SLCO3A1: variants seen among roughly 807,000 people sequenced by gnomAD.
SLCO3A1 encodes PGE1 transporter.
In SLCO3A1, 27 loss-of-function variants were observed where a neutral mutation model predicts 63.1. The observed-to-expected ratio is 0.43, with a 90% CI of 0.32 to 0.59. SLCO3A1 has a LOEUF of 0.59. Among genes scored for constraint, SLCO3A1 ranks in the 20% least tolerant of loss-of-function variants. SLCO3A1 has a pLI of 0.09. For missense variants in SLCO3A1, 773 were observed against 945.8 expected (o/e 0.82, Z 2.40); for synonymous variants, 473 against 409.9 (o/e 1.15, Z -1.86).
chr15:91,880,696 C>T (rs1158177613), intron 1 of SLCO3A1, among the ~76,000 whole-genome samples: 1 of 151,774 alleles, frequency 6.6e-6, no homozygotes, highest in African/African-American at 2.4e-5. Context: ...ATCAATAATT[C>T]ATTTCTTTTT....
chr15:92,060,796 G>A (rs1276225903), intron 2 of SLCO3A1, among the ~76,000 whole-genome samples: 28 of 152,048 alleles, frequency 1.8e-4, no homozygotes, highest in African/African-American at 4.8e-5. Flanking sequence ...CACTGTGCCC[G>A]GCCGGTACTT....
At chr15:91,930,548 A>T (rs1322989977) in intron 2 of SLCO3A1, among the ~76,000 whole-genome samples, 2 of 152,228 alleles carry the variant, frequency 1.3e-5, no homozygotes, top group East Asian at 3.8e-4. Flanking sequence ...AGACACTTAA[A>T]ATAACCTGAC....
chr15:91,878,831 G>A (rs1897471904), intron 1 of SLCO3A1, among the ~76,000 whole-genome samples: 2 of 152,152 alleles, frequency 1.3e-5, no homozygotes, highest in South Asian at 4.1e-4. Flanking sequence ...AGAGAGAAAT[G>A]TTGCATTTCT....
intron 7 of SLCO3A1, among the ~76,000 whole-genome samples, chr15:92,140,801 C>T (rs1042235766): frequency 6.6e-6 from 1 of 152,134 alleles, no homozygotes; most frequent in African/African-American, 2.4e-5. Flanking sequence ...AAGATTGCAA[C>T]CTCTGCCTTT....
At chr15:92,132,849 G>A (rs1003538547) in intron 7 of SLCO3A1, among the ~76,000 whole-genome samples, 2 of 145,380 alleles carry the variant, frequency 1.4e-5, no homozygotes, top group East Asian at 3.9e-4. Flanking sequence ...CAGTGTGACG[G>A]GTCTCAATAC....
chr15:92,140,959 T>C (rs1419256022), intron 7 of SLCO3A1, among the ~76,000 whole-genome samples: 1 of 152,208 alleles, frequency 6.6e-6, no homozygotes, highest in Admixed American at 6.5e-5. Context: ...GTGACTCATA[T>C]TGTATATATG....
chr15:91,919,429 C>T (rs993195147), intron 2 of SLCO3A1, among the ~76,000 whole-genome samples: 4 of 152,240 alleles, frequency 2.6e-5, no homozygotes, highest in African/African-American at 9.6e-5. Flanking sequence ...GCTCTGCTGG[C>T]AGGCTTTCAC....
chr15:92,165,415 C>T lies in SLCO3A1; in HGVS notation c.*2280C>T, dbSNP rs2151607321. On this transcript the variant is annotated 3_prime_UTR_variant, in exon 10 of 10. Transcript: ENST00000318445. ...GCAAATATATTGCTAATAGGTCACT[C>T]TTATAGATTATTGCTTGGCCCTTCA... The T allele has an allele frequency of 1.0e-6, 1 of 985,238 alleles. No homozygotes were observed. The highest frequency in any genetic ancestry group is 1.1e-4 in the East Asian group (1 of 8,812). 61.0% of individuals were successfully genotyped at this position (985,238 alleles called of 1,614,324 possible).
chr15:91,931,367 G>A (rs978492045), intron 2 of SLCO3A1, among the ~76,000 whole-genome samples: 1 of 152,164 alleles, frequency 6.6e-6, no homozygotes, highest in Admixed American at 6.5e-5. Context: ...AATTTGCCGA[G>A]GTTCACAGCT....
intron 1 of SLCO3A1, among the ~76,000 whole-genome samples, chr15:91,857,029 C>CGTGTGTGTGT (rs58042356): frequency 7.2e-6 from 1 of 139,028 alleles, no homozygotes; most frequent in East Asian, 2.1e-4. Context: ...AAGGAGGACT[C>CGTGTGTGTGT]GTGTGTGTGT....
At chr15:92,049,641 C>T (rs114670700) in intron 2 of SLCO3A1, among the ~76,000 whole-genome samples, 1,569 of 152,274 alleles carry the variant, frequency 0.01, 25 homozygotes, top group African/African-American at 0.034. Flanking sequence ...CCCCAGAAAT[C>T]GATCTTTACC....
In SLCO3A1 at chr15:91,916,207, A is replaced by G. The variant is rs1469034459; in HGVS notation, c.395A>G (p.Gln132Arg). Residue 132 changes from glutamine (Q) to arginine (R), a missense_variant, in exon 2 of 10, where the codon CAG (glutamine) becomes CGG (arginine). Physicochemically the swap from Gln to Arg is conservative, Grantham distance 43. Coordinates refer to ENST00000318445, the MANE Select transcript of SLCO3A1 (RefSeq NM_013272.4). The surrounding 1 kb of genome is among the most constrained non-coding windows in gnomAD (Gnocchi z 6.2). ...GCGCTGCCCGAGTTCCTGACCCACCAGTACAAGTACGAGGCGGGCGAGATC... is the reference window on the plus strand; with the variant it reads ...GCGCTGCCCGAGTTCCTGACCCACCGGTACAAGTACGAGGCGGGCGAGATC... ...LSALPEFLTH[Q>R]YKYEAGEIRW... is the part of the protein sequence containing the mutation. 82 of 1,589,700 alleles carry G rather than the reference A, an allele frequency of 5.2e-5. No homozygotes were observed. Among genetic ancestry groups the G allele is most frequent in the Non-Finnish European group, 7.0e-5 (82 of 1,170,444 alleles).
At chr15:92,017,454 C>G (rs2046451975) in intron 2 of SLCO3A1, among the ~76,000 whole-genome samples, 1 of 152,156 alleles carries the variant, frequency 6.6e-6, no homozygotes, top group South Asian at 2.1e-4. Context: ...GTGTGTGAAG[C>G]ATGTTCTGGA....
intron 1 of SLCO3A1, among the ~76,000 whole-genome samples, chr15:91,909,706 A>G (rs11074026): frequency 0.56 from 85,370 of 152,032 alleles, 24,578 homozygotes; most frequent in East Asian, 0.91. Flanking sequence ...TCCCAGCCTC[A>G]TAGAGCATCC....
At chr15:92,127,811 T>C (rs1735809187) in intron 6 of SLCO3A1, among the ~76,000 whole-genome samples, 2 of 152,184 alleles carry the variant, frequency 1.3e-5, no homozygotes, top group Non-Finnish European at 2.9e-5. Context: ...GTTGAAGCAG[T>C]GTAGTAAGTA....
chr15:92,047,675 GT>G (rs2046906352), intron 2 of SLCO3A1, among the ~76,000 whole-genome samples: 2 of 127,794 alleles, frequency 1.6e-5, no homozygotes, highest in African/African-American at 3.0e-5. Flanking sequence ...TTAACTTGGT[GT>G]TTTTGGCCCC....
At chr15:91,944,748 A>G (rs4420511) in intron 2 of SLCO3A1, among the ~76,000 whole-genome samples, 119,371 of 151,450 alleles carry the variant, frequency 0.79, 47,367 homozygotes, top group East Asian at 0.98. Context: ...ATGTGGAGAA[A>G]TCGAGGGGGC....
At chr15:91,868,354 CTT>C (rs72068160) in intron 1 of SLCO3A1, among the ~76,000 whole-genome samples, 1,299 of 104,864 alleles carry the variant, frequency 0.012, 11 homozygotes, top group African/African-American at 0.025. Context: ...ACCCAGCCGG[CTT>C]TTTTTTTTTT....
chr15:92,131,808 C>G (rs2048000534), intron 7 of SLCO3A1, among the ~76,000 whole-genome samples: 4 of 146,140 alleles, frequency 2.7e-5, no homozygotes. Flanking sequence ...CTCTCCTTCA[C>G]CACTGCTGAG....
Sources: allele counts gnomAD v4.1 joint callset (sites outside exome capture counted in the v4.1 genomes callset), GRCh38; gene constraint gnomAD v4.1.1; non-coding constraint Gnocchi (gnomAD v3.1); transcripts MANE v1.5; gene names NCBI Gene and HGNC (gene_info 2026-07-23, HGNC 2026-07-21).